Variants in LRRC37B observed in about 807,000 individuals in gnomAD.
The protein encoded by LRRC37B is leucine-rich repeat-containing protein 37B.
LRRC37B carries 28 observed loss-of-function variants against 98.3 expected under a neutral mutation model. The observed-to-expected ratio is 0.28, with a 90% CI of 0.21 to 0.39. The LOEUF (loss-of-function observed/expected upper bound fraction) is 0.39. Ranked by LOEUF, LRRC37B falls within the 10% of genes least tolerant of loss-of-function variation. The pLI is 1.00. For synonymous variants in LRRC37B, 364 were observed against 442.7 expected (o/e 0.82, Z 2.23); for missense variants, 938 against 1,182.7 (o/e 0.79, Z 3.03).
At chr17:32,019,476 C>CA (rs1910716496), upstream of LRRC37B, among the ~76,000 whole-genome samples, 1 of 152,180 alleles carries the variant, frequency 6.6e-6, no homozygotes, top group African/African-American at 2.4e-5. Context: ...CTTCACATGG[C>CA]AAGCAATGCA....
intron 7 of LRRC37B, among the ~76,000 whole-genome samples, chr17:32,038,364 T>A (rs1311040271): frequency 6.6e-6 from 1 of 151,354 alleles, no homozygotes; most frequent in Non-Finnish European, 1.5e-5. Context: ...GAAGCTGAGG[T>A]GGGAGGATTG....
At chr17:32,023,864 C>T (rs1400791463) in intron 1 of LRRC37B, among the ~76,000 whole-genome samples, 7 of 152,070 alleles carry the variant, frequency 4.6e-5, no homozygotes, top group East Asian at 1.9e-4. Flanking sequence ...ATAAAAAGGG[C>T]GGTGTATATA....
At chr17:32,021,991 A>G (rs1206297615) in exon 1 of LRRC37B, 2 of 1,613,990 alleles carry the variant, frequency 1.2e-6, no homozygotes, top group Non-Finnish European at 1.7e-6. Context: ...TCACTCCAGG[A>G]AGAAGCCCCA....
chr17:32,052,913 C>G (rs1911798600), intron 11 of LRRC37B: 1 of 188,108 alleles, frequency 5.3e-6, no homozygotes. Flanking sequence ...ACACTGCTCT[C>G]CAGCCTGAGT....
At chr17:32,025,855 AATATGACAGCATTC>A (rs1194113115) in intron 2 of LRRC37B, among the ~76,000 whole-genome samples, 76 of 152,356 alleles carry the variant, frequency 5.0e-4, no homozygotes, top group African/African-American at 1.8e-3. Context: ...TTGTCAGCAG[AATATGACAGCATTC>A]ATTTCCCCAC....
upstream of LRRC37B, chr17:32,017,123 A>G (rs976467245): frequency 3.3e-5 from 5 of 152,234 alleles, no homozygotes; most frequent in Admixed American, 3.3e-4. Flanking sequence ...TGAAAACTTC[A>G]TAGACCAAAA....
In LRRC37B at chr17:32,027,384, T is replaced by C. The variant is rs965438294; in HGVS notation, c.1833-385T>C. On this transcript the variant is annotated intron_variant, in intron 2 of 11. Transcript: ENST00000327564. The stretch of plus-strand genomic sequence containing the variant: ...GTGCTTGTGTGTGTGCTTGTGTGTG[T>C]GTGCTTGCATGTGTGTGTGTGCTTG... Among the ~76,000 whole-genome samples the C allele has an allele frequency of 2.0e-5, 3 of 151,280 alleles. No individual in the cohort carries two copies. In the Admixed American group the frequency reaches 2.0e-4, roughly 10 times the overall value.
rs1356969422 is a variant in LRRC37B at position 32,022,479 on chromosome 17, C to T, written c.1414C>T (p.Gln472Ter). ...TCCAACCACGGAGGAAACCTCAGCT[C>T]AGCCTCCAGACCCGGGGCTTGCCAT... Residue 472 changes from glutamine to a stop codon, truncating the protein, a stop_gained, in exon 1 of 12, where the codon CAG becomes TAG. Coordinates refer to ENST00000327564, the Ensembl canonical transcript of LRRC37B. LOFTEE classifies it high-confidence loss of function. 6.2e-7 allele frequency: 1 copy of T among 1,612,898 alleles called. No homozygotes were observed. Among genetic ancestry groups the T allele is most frequent in the African/African-American group, 1.3e-5 (1 of 74,886 alleles).
At chr17:32,029,220 A>C (rs1217482641) in intron 3 of LRRC37B, among the ~76,000 whole-genome samples, 1 of 151,922 alleles carries the variant, frequency 6.6e-6, no homozygotes. Flanking sequence ...CCAGGATCTC[A>C]ATATCCTGAC....
intron 5 of LRRC37B, chr17:32,034,147 G>C (rs1383297083): frequency 6.6e-6 from 1 of 152,064 alleles, no homozygotes; most frequent in Non-Finnish European, 1.5e-5. Flanking sequence ...AAAAGAATTG[G>C]TCCTATTTTT....
chr17:32,012,007 A>T (rs1233400154), intron 1 of LRRC37B, among the ~76,000 whole-genome samples: 1 of 152,004 alleles, frequency 6.6e-6, no homozygotes, highest in African/African-American at 2.4e-5. Context: ...ATGGTTAGAG[A>T]CCATACTTGG....
chr17:32,040,635 C>G lies in LRRC37B; in HGVS notation c.2204+4996C>G, dbSNP rs1230084144. 1.8e-5 allele frequency: 14 copies of G among 777,974 alleles called. No individual in the cohort carries two copies. In the East Asian group the frequency reaches 3.4e-4, roughly 19 times the overall value. 48.2% of individuals were successfully genotyped at this position (777,974 alleles called of 1,614,324 possible). A position where few individuals can be genotyped will look rare whatever the true frequency, so the allele number is the denominator to read the frequency against. ...AGCCTCACAGGCTAAGCTGACCATG[C>G]TCAACACAGTGTGCAAGATCCAGGG... On this transcript the variant is annotated intron_variant, in intron 7 of 11. Transcript: ENST00000327564.
intron 1 of LRRC37B, among the ~76,000 whole-genome samples, chr17:32,012,646 G>A (rs1910560163): frequency 6.6e-6 from 1 of 152,076 alleles, no homozygotes; most frequent in Admixed American, 6.6e-5. Context: ...AATCCAGGTG[G>A]TGGATATTGC....
intron 3 of LRRC37B, among the ~76,000 whole-genome samples, chr17:32,029,787 C>A (rs929291943): frequency 5.9e-5 from 9 of 152,318 alleles, no homozygotes; most frequent in Admixed American, 5.9e-4. Flanking sequence ...GTTATCACAG[C>A]AGTGCTGTAA....
At chr17:32,023,108 T>C (rs1486282694) in intron 1 of LRRC37B, among the ~76,000 whole-genome samples, 2 of 151,104 alleles carry the variant, frequency 1.3e-5, no homozygotes, top group Non-Finnish European at 2.9e-5. Flanking sequence ...GCTCCTATTT[T>C]CGCTTCACCC....
chr17:32,034,524 A>G (rs1002256784), intron 5 of LRRC37B, among the ~76,000 whole-genome samples: 1 of 150,286 alleles, frequency 6.7e-6, no homozygotes, highest in Non-Finnish European at 1.5e-5. Flanking sequence ...AAAAAAAAAA[A>G]CAACTTGAAT....
chr17:32,023,000 A>G lies in LRRC37B; in HGVS notation c.1760+175A>G, dbSNP rs111281144. On this transcript the variant is annotated intron_variant, in intron 1 of 11. Coordinates refer to ENST00000327564, the Ensembl canonical transcript of LRRC37B. ...CTCATTCTCCTTTAATGTTAGACCC[A>G]TTCTCCAGTCTTTTACTTTTTCTCC... Among the ~76,000 whole-genome samples the G allele has an allele frequency of 7.2e-3, 1,099 of 151,588 alleles. 11 individuals are homozygous for G. Among genetic ancestry groups the G allele is most frequent in the African/African-American group, 0.025 (1,048 of 41,254 alleles).
intron 8 of LRRC37B, 102 bp from the exon 12 acceptor site, chr17:32,047,659 G>A (rs1911626681): frequency 6.4e-7 from 1 of 1,551,858 alleles, no homozygotes; most frequent in African/African-American, 1.4e-5. Context: ...TCGAATGTTT[G>A]CTGACTCTTA....
exon 1 of LRRC37B, chr17:32,008,108 G>A: frequency 2.5e-6 from 1 of 403,660 alleles, no homozygotes; most frequent in Non-Finnish European, 4.8e-6. Flanking sequence ...TTACTCCACG[G>A]AAAGCAGCTT....
Sources: gnomAD v4.1 joint callset for allele counts (sites outside exome capture counted in the v4.1 genomes callset) on GRCh38, gnomAD v4.1.1 for gene constraint, MANE v1.5 for transcripts, NCBI Gene and HGNC (gene_info 2026-07-23, HGNC 2026-07-21) for gene names.